Variants in CADM2 observed in about 807,000 individuals in gnomAD.
CADM2 encodes immunoglobulin superfamily member 4D.
Under a neutral mutation model 49.8 loss-of-function variants are expected in CADM2, and 12 were observed. That is an observed-to-expected ratio of 0.24 (90% confidence interval 0.15 to 0.39). CADM2 has a LOEUF of 0.39. CADM2 is among the 10% of genes least tolerant of loss of function. The pLI, the probability that CADM2 is intolerant of heterozygous loss-of-function variation, is 1.00. For synonymous variants in CADM2, 214 were observed against 175.4 expected, an observed-to-expected ratio of 1.22 and a Z score of -1.74; for missense variants, 378 against 492.3, an observed-to-expected ratio of 0.77 and a Z score of 2.20.
chr3:85,830,096 A>G (rs1381263125), intron 3 of CADM2, among the ~76,000 whole-genome samples: 1 of 151,944 alleles, frequency 6.6e-6, no homozygotes, highest in Non-Finnish European at 1.5e-5. Context: ...GAATCTTCAC[A>G]CCATTTTCCA....
At chr3:85,893,495 T>C (rs2108425544) in intron 5 of CADM2, among the ~76,000 whole-genome samples, 1 of 152,098 alleles carries the variant, frequency 6.6e-6, no homozygotes, top group Admixed American at 6.5e-5. Context: ...AATTGACAAA[T>C]GGGATCTAAT....
chr3:85,363,396 C>G (rs1257963872), intron 1 of CADM2, among the ~76,000 whole-genome samples: 3 of 152,000 alleles, frequency 2.0e-5, no homozygotes, highest in Non-Finnish European at 4.4e-5. Context: ...AAGAAAACAC[C>G]TGTGGATTGC....
intron 2 of CADM2, among the ~76,000 whole-genome samples, chr3:85,731,286 T>C (rs530004095): frequency 7.2e-5 from 11 of 152,318 alleles, no homozygotes; most frequent in African/African-American, 2.4e-4. Context: ...TTTTAATTTG[T>C]ATCATGTAGT....
rs1189586801 is a variant in CADM2 at position 85,986,780 on chromosome 3, GT to G, written c.970+25135del. 2.6e-5 allele frequency among the ~76,000 whole-genome samples: 4 copies of G among 152,058 alleles called. No homozygotes were observed. The East Asian group carries it at 7.7e-4, about 29-fold the overall frequency. On this transcript the variant is annotated intron_variant, in intron 8 of 9. Transcript: ENST00000383699. ...TGCTTAAGGAACAAGCACCATATAT[GT>G]TCTATAGGTGGAGGTACTTTCAACC...
At chr3:85,384,848 A>G (rs1576459086) in intron 1 of CADM2, among the ~76,000 whole-genome samples, 2 of 152,244 alleles carry the variant, frequency 1.3e-5, no homozygotes, top group African/African-American at 4.8e-5. Flanking sequence ...ATTTCAGGAA[A>G]AAAGAAAGAT....
At chr3:85,171,486 A>T (rs926505106) in intron 1 of CADM2, among the ~76,000 whole-genome samples, 1 of 152,204 alleles carries the variant, frequency 6.6e-6, no homozygotes, top group African/African-American at 2.4e-5. Context: ...TCACATTTAA[A>T]GTGCTGTATA....
At chr3:86,041,208 C>T (rs1735871522) in intron 8 of CADM2, among the ~76,000 whole-genome samples, 1 of 152,156 alleles carries the variant, frequency 6.6e-6, no homozygotes, top group Admixed American at 6.5e-5. Flanking sequence ...ATCATAATGA[C>T]AGGATCAAAT....
chr3:86,026,930 C>T (rs1190456146), intron 8 of CADM2, among the ~76,000 whole-genome samples: 3 of 151,996 alleles, frequency 2.0e-5, no homozygotes, highest in Admixed American at 6.6e-5. Context: ...AGGCAAGAAC[C>T]TTGTATTACA....
At chr3:85,941,187 T>C (rs181342647) in intron 7 of CADM2, among the ~76,000 whole-genome samples, 79 of 152,144 alleles carry the variant, frequency 5.2e-4, no homozygotes, top group Non-Finnish European at 9.9e-4. Context: ...ACAATGAGGG[T>C]GATAAATTAT....
intron 1 of CADM2, among the ~76,000 whole-genome samples, chr3:85,519,835 A>T (rs1291864636): frequency 6.6e-6 from 1 of 152,072 alleles, no homozygotes; most frequent in Non-Finnish European, 1.5e-5. Context: ...TAAATATATG[A>T]ATACAAGTTA....
chr3:85,287,209 C>T (rs773464737), intron 1 of CADM2, among the ~76,000 whole-genome samples: 1 of 151,782 alleles, frequency 6.6e-6, no homozygotes, highest in African/African-American at 2.4e-5. Context: ...GTTATTCCTG[C>T]ATTAGTTCCC....
chr3:85,104,061 A>C (rs2038116908), intron 1 of CADM2, among the ~76,000 whole-genome samples: 1 of 152,032 alleles, frequency 6.6e-6, no homozygotes, highest in African/African-American at 2.4e-5. Flanking sequence ...ATTAGATCCC[A>C]TTTGTCAATT....
chr3:85,025,251 A>G (rs1445314868), intron 1 of CADM2, among the ~76,000 whole-genome samples: 1 of 152,134 alleles, frequency 6.6e-6, no homozygotes, highest in Non-Finnish European at 1.5e-5. Flanking sequence ...ATTATTTGTA[A>G]TCTAAGTGCT....
chr3:85,327,729 A>G lies in CADM2; in HGVS notation c.61+368061A>G, dbSNP rs137926454. On this transcript the variant is annotated intron_variant, in intron 1 of 9. Transcript: ENST00000383699. Reference sequence around the variant, plus strand: ...TTATAACTATTCTTTTCTGTTGACAATATATTGCAAGTCTTAATTTTATTT... The same window carrying G: ...TTATAACTATTCTTTTCTGTTGACAGTATATTGCAAGTCTTAATTTTATTT... Among the ~76,000 whole-genome samples, 756 of 152,190 alleles carry G rather than the reference A, an allele frequency of 5.0e-3. 11 individuals are homozygous for G. The highest frequency in any genetic ancestry group is 0.017 in the African/African-American group (698 of 41,522).
At chr3:85,365,898 G>A (rs955000269) in intron 1 of CADM2, among the ~76,000 whole-genome samples, 42 of 152,192 alleles carry the variant, frequency 2.8e-4, no homozygotes, top group African/African-American at 6.0e-4. Context: ...TTCACACCAC[G>A]CAATCATGGA....
chr3:85,919,035 G>T (rs898905838), intron 6 of CADM2, among the ~76,000 whole-genome samples: 1 of 151,962 alleles, frequency 6.6e-6, no homozygotes, highest in Non-Finnish European at 1.5e-5. Context: ...AATGAAAAGT[G>T]CAAGAGACAG....
chr3:85,705,044 T>A (rs1361389434), intron 1 of CADM2, among the ~76,000 whole-genome samples: 1 of 149,626 alleles, frequency 6.7e-6, no homozygotes, highest in Admixed American at 6.7e-5. Context: ...TTTTTTTTTT[T>A]TTAAATAGAG....
intron 1 of CADM2, among the ~76,000 whole-genome samples, chr3:85,673,364 G>A (rs978919747): frequency 1.3e-5 from 2 of 151,944 alleles, no homozygotes; most frequent in African/African-American, 4.8e-5. Flanking sequence ...GATTAAGAAG[G>A]AAAAACAGGG....
At chr3:85,863,434 T>G (rs1428501083) in intron 3 of CADM2, among the ~76,000 whole-genome samples, 1 of 152,178 alleles carries the variant, frequency 6.6e-6, no homozygotes, top group Non-Finnish European at 1.5e-5. Context: ...GATGAGGCCT[T>G]TAAGAGGTGA....
Sources: allele counts gnomAD v4.1 joint callset (sites outside exome capture counted in the v4.1 genomes callset), GRCh38; gene constraint gnomAD v4.1.1; transcripts MANE v1.5; gene names NCBI Gene and HGNC (gene_info 2026-07-23, HGNC 2026-07-21).